The following FAM168B variants were observed in gnomAD, a reference collection of about 807,000 sequenced individuals.
FAM168B encodes family with sequence similarity 168 member B.
In FAM168B, 19 loss-of-function variants were observed where a neutral mutation model predicts 21.8. The observed-to-expected ratio is 0.87, with a 90% confidence interval of 0.61 to 1.28. The LOEUF is 1.28. FAM168B is among the 50% of genes most tolerant of loss of function. The pLI, the probability that FAM168B is intolerant of heterozygous loss-of-function variation, is 0.00. For missense variants in FAM168B, 233 were observed against 263.1 expected (o/e 0.89, Z 0.79); for synonymous variants, 126 against 104.8 (o/e 1.20, Z -1.24).
intron 2 of FAM168B, among the ~76,000 whole-genome samples, chr2:131,078,276 G>T (rs1693262746): frequency 6.6e-6 from 1 of 152,168 alleles, no homozygotes; most frequent in South Asian, 2.1e-4. Context: ...AAAAACAGAA[G>T]ATGGAGAAAA....
At chr2:131,057,754 GTAA>G (rs1463885186) in intron 3 of FAM168B, among the ~76,000 whole-genome samples, 4 of 152,162 alleles carry the variant, frequency 2.6e-5, no homozygotes, top group Non-Finnish European at 4.4e-5. Flanking sequence ...CAGAAAAATA[GTAA>G]TAATAATTAA....
intron 2 of FAM168B, among the ~76,000 whole-genome samples, chr2:131,079,339 G>A (rs965002467): frequency 3.7e-4 from 57 of 152,294 alleles, no homozygotes; most frequent in African/African-American, 1.3e-3. Context: ...GTGGTGGCAC[G>A]CACCACATAC....
At chr2:131,088,965 C>CTTTT (rs34730768) in intron 1 of FAM168B, among the ~76,000 whole-genome samples, 1 of 139,974 alleles carries the variant, frequency 7.1e-6, no homozygotes, top group Non-Finnish European at 1.6e-5. Context: ...GAGCGTACCA[C>CTTTT]TTTTTTTTTT....
rs1691972913 is a variant in FAM168B, at chr2:131,055,557, G to A, written c.293C>T (p.Ala98Val). Reference sequence around the variant, plus strand: ...GCAGTGTGTACCCAAGCATACCTGTGCATACGGGCTCTGCTGGGGGTAGGC... The same window carrying A: ...GCAGTGTGTACCCAAGCATACCTGTACATACGGGCTCTGCTGGGGGTAGGC... ...RSAYPQQSPY[A>V]QQGTYYTQPL... Residue 98 changes from alanine to valine, a missense_variant, in exon 4 of 7, where the codon GCA becomes GTA. Coordinates refer to ENST00000389915, the MANE Select transcript of FAM168B (RefSeq NM_001009993.4). 6.2e-7 allele frequency: 1 copy of A among 1,604,094 alleles called. No individual in the cohort carries two copies. Among genetic ancestry groups the A allele is most frequent in the African/African-American group, 1.3e-5 (1 of 74,482 alleles).
In FAM168B at chr2:131,050,573, A is replaced by C; in HGVS notation, c.*1892T>G. 1 of 985,824 alleles carries C rather than the reference A, an allele frequency of 1.0e-6. No homozygotes were observed. The allele number at this position is 985,824 out of a possible 1,614,324, so 61.1% of individuals were successfully genotyped here. ...ACTTATCAGTAAACATTCTATGTTA[A>C]TAGACATCAGGAATAAAGAATCTGC... is the stretch of plus-strand genomic sequence containing the variant. On this transcript the variant is annotated 3_prime_UTR_variant, in exon 7 of 7. Transcript: ENST00000389915.
intron 1 of FAM168B, among the ~76,000 whole-genome samples, chr2:131,092,988 G>C (rs575639357): frequency 6.6e-6 from 1 of 151,658 alleles, no homozygotes; most frequent in Non-Finnish European, 1.5e-5. Context: ...CACCTAGGCG[G>C]CAGGCCCGCG....
Position 131,055,299 on chromosome 2 carries a change from C to T in FAM168B, c.448G>A (p.Ala150Thr), listed in dbSNP as rs374592834. 1.9e-6 allele frequency: 3 copies of T among 1,580,062 alleles called. No homozygotes were observed. The highest frequency in any genetic ancestry group is 2.6e-6 in the Non-Finnish European group (3 of 1,167,854). ...RGNGVTMGMV[A>T]GTTMAMSAGT... Reference sequence around the variant, plus strand: ...GCTGACATGGCCATGGTGGTCCCAGCCACCATGCCCATGGTGACCCCGTTG... The same window carrying T: ...GCTGACATGGCCATGGTGGTCCCAGTCACCATGCCCATGGTGACCCCGTTG... Residue 150 changes from alanine to threonine, a missense_variant, in exon 5 of 7, where the codon GCT becomes ACT. Transcript: ENST00000389915.
Position 131,089,567 on chromosome 2 carries a change from T to TA in FAM168B, c.-12+3646dup, listed in dbSNP as rs971383287. 4.8e-4 allele frequency among the ~76,000 whole-genome samples: 68 copies of TA among 143,148 alleles called. 1 individual carries two copies. The highest frequency in any genetic ancestry group is 2.1e-4 in the East Asian group (1 of 4,670). The allele number at this position is 143,148 out of a possible 152,430, so 93.9% of individuals were successfully genotyped here. On this transcript the variant is annotated intron_variant, in intron 1 of 6. Coordinates refer to ENST00000389915, the MANE Select transcript of FAM168B (RefSeq NM_001009993.4). ...CTAACACGGTGAAACCTGTCTCTAC[T>TA]AAAAAAAAATACAAAAAGAAAATTA...
At chr2:131,065,809 A>AG (rs1354315868) in intron 3 of FAM168B, among the ~76,000 whole-genome samples, 1 of 147,996 alleles carries the variant, frequency 6.8e-6, no homozygotes, top group African/African-American at 2.5e-5. Context: ...GAAAAAAAGA[A>AG]AAAAAAAAAA....
Position 131,051,851 on chromosome 2 carries a change from ACT to A in FAM168B, c.*612_*613del, listed in dbSNP as rs1386678903. On this transcript the variant is annotated 3_prime_UTR_variant, in exon 7 of 7. Coordinates refer to ENST00000389915, the MANE Select transcript of FAM168B (RefSeq NM_001009993.4). Reference sequence around the variant, plus strand: ...GCACCCAAGCAGCTGTGGCTTCCCTACTCTCTCCCAAACCTCGCAACTCCCTC... The same window carrying A: ...GCACCCAAGCAGCTGTGGCTTCCCTACTCTCCCAAACCTCGCAACTCCCTC... The A allele has an allele frequency of 1.1e-5, 11 of 985,352 alleles. 1 individual carries two copies. The East Asian group carries it at 5.7e-4, about 51-fold the overall frequency. 61.0% of individuals were successfully genotyped at this position (985,352 alleles called of 1,614,324 possible).
rs1430689258 is a variant in FAM168B at position 131,048,172 on chromosome 2, A to AT, written c.*4292dup. On this transcript the variant is annotated 3_prime_UTR_variant, in exon 7 of 7. Transcript: ENST00000389915. ...GTGTAAAAAACGGTATTTAAAAATC[A>AT]TTTTTAAAAAAACAAAAAGGAACCG... The AT allele has an allele frequency of 3.2e-6, 4 of 1,249,754 alleles. No individual in the cohort carries two copies. The highest frequency in any genetic ancestry group is 4.2e-6 in the Non-Finnish European group (4 of 959,202). 77.4% of individuals were successfully genotyped at this position (1,249,754 alleles called of 1,614,324 possible). A position where few individuals can be genotyped will look rare whatever the true frequency, so the allele number is the denominator to read the frequency against.
chr2:131,048,937 A>G lies in FAM168B; in HGVS notation c.*3528T>C. 1.0e-6 allele frequency: 1 copy of G among 985,930 alleles called. No homozygotes were observed. Among genetic ancestry groups the G allele is most frequent in the Non-Finnish European group, 1.2e-6 (1 of 830,020 alleles). The allele number at this position is 985,930 out of a possible 1,614,324, so 61.1% of individuals were successfully genotyped here. Reference sequence around the variant, plus strand: ...GACACATCCAACAGTCAGCTGTCGGATAAGGTGAAGGTGGCCCAACTGCTC... The same window carrying G: ...GACACATCCAACAGTCAGCTGTCGGGTAAGGTGAAGGTGGCCCAACTGCTC... On this transcript the variant is annotated 3_prime_UTR_variant, in exon 7 of 7. Transcript: ENST00000389915.
Position 131,055,547 on chromosome 2 carries a change from G to A in FAM168B, c.297+6C>T, listed in dbSNP as rs1691971443. The A allele has an allele frequency of 1.2e-6, 2 of 1,602,508 alleles. No individual in the cohort carries two copies. The highest frequency in any genetic ancestry group is 1.7e-6 in the Non-Finnish European group (2 of 1,175,236). On this transcript the variant is annotated splice_donor_region_variant and intron_variant, in intron 4 of 6. Transcript: ENST00000389915. ...TTCCCACACAGCAGTGTGTACCCAA[G>A]CATACCTGTGCATACGGGCTCTGCT... is the stretch of plus-strand genomic sequence containing the variant.
At position 131,055,335 on chromosome 2, in the gene FAM168B, G is replaced by T. The variant is rs199942804; in HGVS notation, c.412C>A (p.Pro138Thr). 4 of 1,585,106 alleles carry T rather than the reference G, an allele frequency of 2.5e-6. No individual in the cohort carries two copies. The highest frequency in any genetic ancestry group is 2.3e-5 in the South Asian group (2 of 86,494). The change falls in exon 5 of 7, where the codon CCT becomes ACT. Residue 138 changes from proline to threonine, a missense_variant. Pro to Thr is a conservative substitution (Grantham distance 38, BLOSUM62 -1). Coordinates refer to ENST00000389915, the MANE Select transcript of FAM168B (RefSeq NM_001009993.4). ...PATVYPAPIP[P>T]PRGNGVTMGM... ...ATGGTGACCCCGTTGCCTCTAGGAG[G>T]GGGGATGGGAGCAGGGTACACCGTT...
At position 131,050,881 on chromosome 2, in the gene FAM168B, G is replaced by A; in HGVS notation, c.*1584C>T. On this transcript the variant is annotated 3_prime_UTR_variant, in exon 7 of 7. Coordinates refer to ENST00000389915, the MANE Select transcript of FAM168B (RefSeq NM_001009993.4). ...CACTGGGAAGAAGACGCACGCTCCT[G>A]CCCTAGAGGCCGCTGAAAGGGACCC... 2.0e-6 allele frequency: 2 copies of A among 985,728 alleles called. No individual in the cohort carries two copies. Among genetic ancestry groups the A allele is most frequent in the Non-Finnish European group, 2.4e-6 (2 of 830,216 alleles). The allele number at this position is 985,728 out of a possible 1,614,324, so 61.1% of individuals were successfully genotyped here.
chr2:131,052,741 T>C, intron 6 of FAM168B, 150 bp downstream of exon 6: 1 of 1,288,796 alleles, frequency 7.8e-7, no homozygotes, highest in Non-Finnish European at 1.0e-6. Context: ...AATGTCTCAA[T>C]AAAAACAAAA....
Position 131,056,588 on chromosome 2 carries a change from G to C in FAM168B, c.155-893C>G. Among the ~76,000 whole-genome samples the C allele has an allele frequency of 1.3e-5, 2 of 152,166 alleles. 1 individual carries two copies. The highest frequency in any genetic ancestry group is 1.3e-4 in the Admixed American group (2 of 15,284). On this transcript the variant is annotated intron_variant, in intron 3 of 6. Coordinates refer to ENST00000389915, the MANE Select transcript of FAM168B (RefSeq NM_001009993.4). Reference sequence around the variant, plus strand: ...CTTCCTGACCCCAACAGAGAAGAGGGGTTTGGTCTCAGGGGAGGGAGAGGG... The same window carrying C: ...CTTCCTGACCCCAACAGAGAAGAGGCGTTTGGTCTCAGGGGAGGGAGAGGG...
intron 3 of FAM168B, among the ~76,000 whole-genome samples, chr2:131,066,410 C>T (rs560210836): frequency 9.9e-5 from 15 of 152,254 alleles, no homozygotes; most frequent in Non-Finnish European, 2.1e-4. Context: ...CTCCTGACCT[C>T]GTGATCCGTC....
At chr2:131,064,892 G>A (rs1692479617) in intron 3 of FAM168B, among the ~76,000 whole-genome samples, 1 of 152,112 alleles carries the variant, frequency 6.6e-6, no homozygotes, top group Admixed American at 6.5e-5. Flanking sequence ...ACACATCGGG[G>A]GTAGCTGGAG....
Sources: gnomAD v4.1 joint callset for allele counts (sites outside exome capture counted in the v4.1 genomes callset) on GRCh38, gnomAD v4.1.1 for gene constraint, MANE v1.5 for transcripts, NCBI Gene and HGNC (gene_info 2026-07-23, HGNC 2026-07-21) for gene names.